E2F5: variants seen among roughly 807,000 people sequenced by gnomAD.
E2F5 encodes the protein E2F transcription factor 5.
In E2F5, 23 loss-of-function variants were observed where a neutral mutation model predicts 39.1. The ratio of observed to expected loss-of-function variants is 0.59; its 90% CI spans 0.42 to 0.83. E2F5 has a LOEUF of 0.83. Ranked by LOEUF, E2F5 falls within the 40% of genes least tolerant of loss-of-function variation. The pLI is 0.00. For synonymous variants in E2F5, 145 were observed against 157.8 expected (o/e 0.92, Z 0.61); for missense variants, 365 against 406.7 (o/e 0.90, Z 0.88).
At chr8:85,180,240 C>G (rs1003324423) in intron 1 of E2F5, among the ~76,000 whole-genome samples, 14 of 151,344 alleles carry the variant, frequency 9.3e-5, no homozygotes, top group African/African-American at 2.9e-4. Flanking sequence ...AGGCTGGTCT[C>G]GAACTCCCAA....
chr8:85,177,449 G>C lies in E2F5; in HGVS notation c.29G>C (p.Gly10Ala). The C allele has an allele frequency of 4.0e-6, 4 of 995,562 alleles. No homozygotes were observed. The highest frequency in any genetic ancestry group is 4.8e-6 in the Non-Finnish European group (4 of 837,988). 61.7% of individuals were successfully genotyped at this position (995,562 alleles called of 1,614,324 possible). A position where few individuals can be genotyped will look rare whatever the true frequency, so the allele number is the denominator to read the frequency against. The change falls in exon 1 of 8, where the codon GGC (glycine) becomes GCC (alanine). Residue 10 changes from glycine (G) to alanine (A), a missense_variant. Transcript: ENST00000416274. ...GCGGCGGCAGAGCCCGCGAGCTCGG[G>C]CCAGCAGGCGCCGGCAGGGCAGGGG... MAAAEPASS[G>A]QQAPAGQGQG...
chr8:85,177,689 G>A, intron 1 of E2F5, 35 bp downstream of exon 1: 3 of 1,242,830 alleles, frequency 2.4e-6, no homozygotes, highest in Non-Finnish European at 3.0e-6. Context: ...GGCGGACTTC[G>A]GAACCCGTGG....
At chr8:85,197,002 A>G (rs1452611523) in intron 1 of E2F5, among the ~76,000 whole-genome samples, 1 of 152,236 alleles carries the variant, frequency 6.6e-6, no homozygotes, top group African/African-American at 2.4e-5. Flanking sequence ...TCATTAAAAT[A>G]TAGGCAATTT....
At chr8:85,196,009 T>A (rs895446642) in intron 1 of E2F5, among the ~76,000 whole-genome samples, 5 of 151,842 alleles carry the variant, frequency 3.3e-5, no homozygotes, top group Non-Finnish European at 5.9e-5. Context: ...TTATTAAAAA[T>A]TTTTTTTTAA....
intron 6 of E2F5, 88 bp downstream of exon 6, chr8:85,209,497 A>T: frequency 7.0e-7 from 1 of 1,431,074 alleles, no homozygotes. Flanking sequence ...TGTGACCAGA[A>T]ATGTCCCAAG....
intron 2 of E2F5, among the ~76,000 whole-genome samples, chr8:85,202,489 C>CTAT (rs1212801823): frequency 5.9e-5 from 9 of 152,168 alleles, no homozygotes; most frequent in African/African-American, 2.2e-4. Flanking sequence ...CTCCCTCAAG[C>CTAT]TATTACTCAT....
At chr8:85,178,010 C>T (rs1812124081) in intron 1 of E2F5, 1 of 159,252 alleles carries the variant, frequency 6.3e-6, no homozygotes, top group South Asian at 2.0e-4. Context: ...GGCAGAGGCT[C>T]ACGGGGTAAC....
intron 1 of E2F5, among the ~76,000 whole-genome samples, chr8:85,179,020 G>C (rs1222511305): frequency 6.6e-6 from 1 of 152,090 alleles, no homozygotes; most frequent in African/African-American, 2.4e-5. Flanking sequence ...GAAATTCCTT[G>C]TTCTCTTTTT....
intron 1 of E2F5, among the ~76,000 whole-genome samples, chr8:85,178,498 G>GAATTCAAC (rs1251899176): frequency 6.6e-6 from 1 of 152,220 alleles, no homozygotes; most frequent in African/African-American, 2.4e-5. Flanking sequence ...GGATTTGGAA[G>GAATTCAAC]AATTCAACAG....
rs959321362 is a variant in E2F5 at position 85,209,243 on chromosome 8, G to C, written c.717G>C (p.Val239=). The change falls in exon 6 of 8, where the codon GTG becomes GTC. Residue 239 remains valine, a synonymous_variant. Transcript: ENST00000416274. The stretch of plus-strand genomic sequence containing the variant: ...AAGAGTCGAGTTCATCTAAGCCCGT[G>C]GTTTTTCCTGTTCCCCCACCTGATG... ...INKESSSSKP[V]VFPVPPPDDL... is the part of the protein sequence containing the mutation. 8.1e-6 allele frequency: 13 copies of C among 1,613,940 alleles called. No individual in the cohort carries two copies. The East Asian group carries it at 2.9e-4, about 36-fold the overall frequency.
chr8:85,208,333 C>T (rs1812841049), intron 5 of E2F5, among the ~76,000 whole-genome samples: 1 of 151,992 alleles, frequency 6.6e-6, no homozygotes, highest in African/African-American at 2.4e-5. Flanking sequence ...TGTATCAAAA[C>T]AACAACAACA....
chr8:85,207,638 A>G, intron 5 of E2F5, 149 bp downstream of exon 5: 1 of 576,324 alleles, frequency 1.7e-6, no homozygotes, highest in Non-Finnish European at 3.0e-6. Flanking sequence ...CTGAATTTGT[A>G]TGTCTTTAAT....
intron 2 of E2F5, 52 bp downstream of exon 2, chr8:85,202,308 C>G (rs1419840402): frequency 7.4e-6 from 10 of 1,346,170 alleles, no homozygotes; most frequent in Non-Finnish European, 1.0e-5. Flanking sequence ...TCTCAGTGCT[C>G]TGTAAAATTT....
chr8:85,177,744 G>C (rs1256273020), intron 1 of E2F5, 90 bp downstream of exon 1: 1 of 1,149,274 alleles, frequency 8.7e-7, no homozygotes. Context: ...CTAGCGGCGT[G>C]GTGTAGACGC....
At chr8:85,203,507 T>C (rs888821525) in intron 3 of E2F5, among the ~76,000 whole-genome samples, 1 of 152,120 alleles carries the variant, frequency 6.6e-6, no homozygotes, top group Admixed American at 6.6e-5. Context: ...CAACTTTTGG[T>C]CTACCAATTG....
intron 1 of E2F5, 58 bp downstream of exon 1, chr8:85,177,712 C>T: frequency 1.7e-6 from 2 of 1,202,014 alleles, no homozygotes; most frequent in East Asian, 3.4e-5. Context: ...CCCGGGGAAG[C>T]CCAGCCCCTC....
At chr8:85,188,866 C>T (rs1032799478) in intron 1 of E2F5, among the ~76,000 whole-genome samples, 9 of 152,246 alleles carry the variant, frequency 5.9e-5, no homozygotes, top group South Asian at 4.1e-4. Context: ...GGAAGGATGA[C>T]GGGGTAATAT....
rs1044480144 is a variant in E2F5 at position 85,177,458 on chromosome 8, C to G, written c.38C>G (p.Ala13Gly). The G allele has an allele frequency of 2.0e-6, 2 of 999,448 alleles. No homozygotes were observed. Among genetic ancestry groups the G allele is most frequent in the African/African-American group, 3.5e-5 (2 of 57,084 alleles). 61.9% of individuals were successfully genotyped at this position (999,448 alleles called of 1,614,324 possible). A position where few individuals can be genotyped will look rare whatever the true frequency, so the allele number is the denominator to read the frequency against. Residue 13 changes from alanine to glycine, a missense_variant, in exon 1 of 8, where the codon GCG (alanine) becomes GGG (glycine). By Grantham distance (60) the Ala-to-Gly change is moderately conservative. Transcript: ENST00000416274. ...GAGCCCGCGAGCTCGGGCCAGCAGG[C>G]GCCGGCAGGGCAGGGGCAGGGCCAG... ...AAEPASSGQQ[A>G]PAGQGQGQRP...
intron 1 of E2F5, among the ~76,000 whole-genome samples, chr8:85,200,979 A>G (rs1326019315): frequency 6.6e-6 from 1 of 152,192 alleles, no homozygotes; most frequent in African/African-American, 2.4e-5. Context: ...CCCCTTCTTG[A>G]GGAAGACCTG....
Sources: gnomAD v4.1 joint callset for allele counts (sites outside exome capture counted in the v4.1 genomes callset) on GRCh38, gnomAD v4.1.1 for gene constraint, MANE v1.5 for transcripts, NCBI Gene and HGNC (gene_info 2026-07-23, HGNC 2026-07-21) for gene names.